Variants in FAN1 observed in about 807,000 individuals in gnomAD.
The protein encoded by FAN1 is fanconi-associated nuclease 1.
In FAN1, 91 loss-of-function variants were observed where a neutral mutation model predicts 104.9. The observed-to-expected ratio is 0.87, with a 90% CI of 0.73 to 1.03. The LOEUF (loss-of-function observed/expected upper bound fraction) is 1.03, where lower values mean the gene tolerates loss of function less well. Among genes scored for constraint, FAN1 ranks in the 50% least tolerant of loss-of-function variants. The pLI is 0.00. For synonymous variants in FAN1, 478 were observed against 457.6 expected, an observed-to-expected ratio of 1.04 and a Z score of -0.57; for missense variants, 1,263 against 1,239.9, an observed-to-expected ratio of 1.02 and a Z score of -0.28.
At chr15:30,919,560 G>A (rs1207647883) in intron 6 of FAN1, among the ~76,000 whole-genome samples, 1 of 151,148 alleles carries the variant, frequency 6.6e-6, no homozygotes, top group Admixed American at 6.6e-5. Context: ...GTGTTGTGAC[G>A]AGTGTCTGTA....
intron 2 of FAN1, chr15:30,906,330 C>A (rs2061977988): frequency 4.4e-6 from 2 of 459,230 alleles, no homozygotes; most frequent in African/African-American, 2.0e-5. Flanking sequence ...AGAAAACAAA[C>A]CAACCTGAGG....
chr15:30,916,210 G>T (rs2062196225), intron 5 of FAN1, among the ~76,000 whole-genome samples: 1 of 151,918 alleles, frequency 6.6e-6, no homozygotes, highest in Non-Finnish European at 1.5e-5. Flanking sequence ...ACGCTTTTCT[G>T]GCTTGTGAGA....
chr15:30,919,601 A>G (rs1285726118), intron 6 of FAN1, among the ~76,000 whole-genome samples: 1 of 151,732 alleles, frequency 6.6e-6, no homozygotes, highest in Non-Finnish European at 1.5e-5. Flanking sequence ...AGGCAGGAGA[A>G]TCACATGAAC....
In FAN1 at chr15:30,922,266, C is replaced by G. The variant is rs753251249; in HGVS notation, c.2084C>G (p.Ser695Cys). The G allele has an allele frequency of 2.5e-6, 4 of 1,613,152 alleles. No individual in the cohort carries two copies. Among genetic ancestry groups the G allele is most frequent in the Non-Finnish European group, 3.4e-6 (4 of 1,179,812 alleles). ...GTCAGAGAACTTGAAAGCCTTTTGTCTCAGAGAATTTATTGTCCTGACAGC... is the reference window on the plus strand; with the variant it reads ...GTCAGAGAACTTGAAAGCCTTTTGTGTCAGAGAATTTATTGTCCTGACAGC... Reference protein sequence around the residue: ...EAVRELESLLSQRIYCPDSRG... With the variant: ...EAVRELESLLCQRIYCPDSRG... The change falls in exon 8 of 15, where the codon TCT becomes TGT. Residue 695 changes from serine to cysteine, a missense_variant. Physicochemically the swap from Ser to Cys is moderately radical, Grantham distance 112 (BLOSUM62 -1). Around this residue, in one of 2 missense-constraint regions of FAN1, gnomAD observed 581 missense variants for 668.8 expected, o/e 0.87. Coordinates refer to ENST00000362065, the MANE Select transcript of FAN1 (RefSeq NM_014967.5).
Position 30,941,189 on chromosome 15 carries a change from AATGG to A in FAN1, c.*4-371_*4-368del, listed in dbSNP as rs1179590027. 6.7e-6 allele frequency: 9 copies of A among 1,343,976 alleles called. No homozygotes were observed. The East Asian group carries it at 2.2e-4, about 33-fold the overall frequency. The allele number at this position is 1,343,976 out of a possible 1,614,324, so 83.3% of individuals were successfully genotyped here. ...ATAGCCTTCAGGAGGTGGTAGGAAA[AATGG>A]ATGGAGACAAAAATGTAGCAGACAA... On this transcript the variant is annotated intron_variant, in intron 14 of 14. Coordinates refer to ENST00000362065, the MANE Select transcript of FAN1 (RefSeq NM_014967.5).
At chr15:30,906,345 T>G (rs1415251595) in intron 2 of FAN1, 1 of 458,142 alleles carries the variant, frequency 2.2e-6, no homozygotes, top group Non-Finnish European at 4.4e-6. Flanking sequence ...CTGAGGCATA[T>G]TTTCTTTCTC....
Position 30,904,695 on chromosome 15 carries a change from A to G in FAN1, c.32A>G (p.Lys11Arg), listed in dbSNP as rs1373989201. The G allele has an allele frequency of 1.2e-6, 2 of 1,605,326 alleles. No individual in the cohort carries two copies. The highest frequency in any genetic ancestry group is 2.2e-5 in the East Asian group (1 of 44,760). MMSEGKPPDK[K>R]RPRRSLSISK... ...TCAGAAGGGAAACCTCCTGACAAAA[A>G]AAGGCCTCGTAGAAGCTTATCAATC... The change falls in exon 2 of 15, where the codon AAA becomes AGA. Residue 11 changes from lysine (K) to arginine (R), a missense_variant. By Grantham distance (26) the Lys-to-Arg change is conservative. Transcript: ENST00000362065.
At chr15:30,929,927 TA>T (rs2062650708) in intron 12 of FAN1, among the ~76,000 whole-genome samples, 1 of 116,954 alleles carries the variant, frequency 8.6e-6, no homozygotes, top group South Asian at 2.3e-4. Context: ...ATATCATATA[TA>T]ATATATAAAA....
chr15:30,929,094 A>T (rs937858523), intron 11 of FAN1, 109 bp from the exon 12 acceptor site: 2 of 901,174 alleles, frequency 2.2e-6, no homozygotes, highest in African/African-American at 3.5e-5. Flanking sequence ...TTTGAGAGAA[A>T]GAATGTATCG....
rs74918724 is a variant in FAN1, at chr15:30,940,985, C to G, written c.*4-581C>G. ...AATCATAAATTCTGGCCCCAGAACA[C>G]TGAACCTTCATCAGGTGAGTTCAAT... On this transcript the variant is annotated intron_variant, in intron 14 of 14. Transcript: ENST00000362065. 2.8e-4 allele frequency: 315 copies of G among 1,131,472 alleles called. 5 individuals carry two copies. The East Asian group carries it at 0.016, about 57-fold the overall frequency. The allele number at this position is 1,131,472 out of a possible 1,614,324, so 70.1% of individuals were successfully genotyped here.
chr15:30,937,447 CTTT>C (rs11317050), intron 14 of FAN1, among the ~76,000 whole-genome samples, 188 bp downstream of exon 14: 12 of 78,956 alleles, frequency 1.5e-4, no homozygotes, highest in Admixed American at 3.1e-4. Flanking sequence ...GGGTAATAAA[CTTT>C]TTTTTTTTTT....
rs754461024 is a variant in FAN1 at position 30,937,214 on chromosome 15, C to T, written c.3012C>T (p.Cys1004=). The change falls in exon 14 of 15, where the codon TGC becomes TGT. Residue 1004 remains cysteine, a synonymous_variant. Coordinates refer to ENST00000362065, the MANE Select transcript of FAN1 (RefSeq NM_014967.5). ...AGCTGGGGGCTGAAGTAGAAGTCTG[C>T]CATGTGGTTGCAGTTGGAGCTAAGA... is the stretch of plus-strand genomic sequence containing the variant. The part of the protein sequence containing the change: ...LQKLGAEVEV[C]HVVAVGAKSQ... 6.2e-7 allele frequency: 1 copy of T among 1,614,032 alleles called. No homozygotes were observed. The highest frequency in any genetic ancestry group is 1.1e-5 in the South Asian group (1 of 91,074).
chr15:30,937,238 G>A lies in FAN1; in HGVS notation c.3036G>A (p.Lys1012=). 6.2e-7 allele frequency: 1 copy of A among 1,613,722 alleles called. No individual in the cohort carries two copies. Reference sequence around the variant, plus strand: ...GCCATGTGGTTGCAGTTGGAGCTAAGAGCCAAAGCCTTAGCTAAAAGGTAT... The same window carrying A: ...GCCATGTGGTTGCAGTTGGAGCTAAAAGCCAAAGCCTTAGCTAAAAGGTAT... The part of the protein sequence containing the change: ...EVCHVVAVGA[K]SQSLS Residue 1012 remains lysine (K), a synonymous_variant, in exon 14 of 15, where the codon AAG becomes AAA. Coordinates refer to ENST00000362065, the MANE Select transcript of FAN1 (RefSeq NM_014967.5).
chr15:30,907,186 TC>T (rs1278640515), intron 2 of FAN1, among the ~76,000 whole-genome samples: 2 of 150,906 alleles, frequency 1.3e-5, no homozygotes, highest in South Asian at 2.1e-4. Flanking sequence ...TCCCAAGCGA[TC>T]CTCCTGCCTC....
chr15:30,930,471 C>A, intron 12 of FAN1, 72 bp from the exon 13 acceptor site: 2 of 1,516,674 alleles, frequency 1.3e-6, no homozygotes, highest in Non-Finnish European at 1.8e-6. Context: ...TTCTCCGTCT[C>A]GTGATCCCTG....
intron 12 of FAN1, among the ~76,000 whole-genome samples, chr15:30,929,796 T>TATATAA (rs1457963079): frequency 3.6e-5 from 1 of 27,532 alleles, no homozygotes; most frequent in African/African-American, 1.5e-4. Flanking sequence ...ATATATAATA[T>TATATAA]AATATATAAA....
intron 5 of FAN1, among the ~76,000 whole-genome samples, chr15:30,916,606 T>TA (rs2062203997): frequency 6.6e-6 from 1 of 152,220 alleles, no homozygotes; most frequent in African/African-American, 2.4e-5. Context: ...TAGTATTCAA[T>TA]ATCTGGTAAT....
In FAN1 at chr15:30,942,293, G is replaced by A; in HGVS notation, c.*731G>A. ...CTAGGCTGTTACTATCAGCCTGAAT[G>A]GGGGCGGGATGAGAGTACCTCCTAT... is the stretch of plus-strand genomic sequence containing the variant. On this transcript the variant is annotated 3_prime_UTR_variant, in exon 15 of 15. Coordinates refer to ENST00000362065, the MANE Select transcript of FAN1 (RefSeq NM_014967.5). 1.6e-6 allele frequency: 1 copy of A among 612,718 alleles called. No homozygotes were observed. Among genetic ancestry groups the A allele is most frequent in the Non-Finnish European group, 2.8e-6 (1 of 357,734 alleles). The allele number at this position is 612,718 out of a possible 1,614,324, so 38.0% of individuals were successfully genotyped here. A position where few individuals can be genotyped will look rare whatever the true frequency, so the allele number is the denominator to read the frequency against.
At chr15:30,940,980 G>C (rs1162743421) in intron 14 of FAN1, 1 of 1,121,782 alleles carries the variant, frequency 8.9e-7, no homozygotes, top group Non-Finnish European at 1.1e-6. Flanking sequence ...TCTGGCCCCA[G>C]AACACTGAAC....
Sources: gnomAD v4.1 joint callset for allele counts (sites outside exome capture counted in the v4.1 genomes callset) on GRCh38, gnomAD v4.1.1 for gene constraint, gnomAD v4.1.1 regional missense constraint, MANE v1.5 for transcripts, NCBI Gene and HGNC (gene_info 2026-07-23, HGNC 2026-07-21) for gene names.